Variants in ASTN2 observed in about 807,000 individuals in gnomAD.
The protein encoded by ASTN2 is astrotactin-2.
In ASTN2, 54 loss-of-function variants were observed where a neutral mutation model predicts 139.8. The observed-to-expected ratio is 0.39, with a 90% CI of 0.31 to 0.48. ASTN2 has a LOEUF of 0.48. Among genes scored for constraint, ASTN2 ranks in the 20% least tolerant of loss-of-function variants. The probability of loss-of-function intolerance (pLI) is 0.95; values close to 1 mark genes in which losing one functional copy is unlikely to be tolerated. For missense variants in ASTN2, 1,565 were observed against 1,725.1 expected, an observed-to-expected ratio of 0.91 and a Z score of 1.64; for synonymous variants, 756 against 719.5, an observed-to-expected ratio of 1.05 and a Z score of -0.81.
intron 11 of ASTN2, among the ~76,000 whole-genome samples, chr9:116,845,544 A>C (rs1752251430): frequency 6.6e-6 from 1 of 152,196 alleles, no homozygotes; most frequent in African/African-American, 2.4e-5. Context: ...ACAACAAAAA[A>C]CAACCTGATT....
intron 7 of ASTN2, among the ~76,000 whole-genome samples, chr9:116,996,660 A>G (rs938285939): frequency 6.6e-6 from 1 of 152,128 alleles, no homozygotes; most frequent in Non-Finnish European, 1.5e-5. Flanking sequence ...CACTAACTCT[A>G]TTACATTGGC....
At chr9:117,207,530 A>G (rs1831971149) in intron 3 of ASTN2, among the ~76,000 whole-genome samples, 1 of 151,892 alleles carries the variant, frequency 6.6e-6, no homozygotes, top group African/African-American at 2.4e-5. Flanking sequence ...GCAGATACAC[A>G]CCTAGACCAA....
At chr9:116,634,452 T>C (rs1177920732) in intron 17 of ASTN2, among the ~76,000 whole-genome samples, 26 of 150,970 alleles carry the variant, frequency 1.7e-4, no homozygotes, top group African/African-American at 6.4e-4. Context: ...TAGCCGGGCG[T>C]GGTAGCGGGC....
intron 7 of ASTN2, among the ~76,000 whole-genome samples, chr9:116,998,691 G>A (rs1837094354): frequency 6.6e-6 from 1 of 152,118 alleles, no homozygotes; most frequent in Admixed American, 6.5e-5. Context: ...CTTTTATAAT[G>A]TATATACCCA....
chr9:117,311,197 G>C (rs1460193760), intron 1 of ASTN2, among the ~76,000 whole-genome samples: 1 of 144,988 alleles, frequency 6.9e-6, no homozygotes, highest in African/African-American at 2.6e-5. Context: ...ATCAGGCATA[G>C]AGGCAAGCCC....
chr9:116,478,062 T>A lies in ASTN2; in HGVS notation c.3497+9297A>T, dbSNP rs576161703. 7.3e-5 allele frequency among the ~76,000 whole-genome samples: 10 copies of A among 136,066 alleles called. No homozygotes were observed. The South Asian group carries it at 2.4e-3, about 32-fold the overall frequency. 89.3% of individuals were successfully genotyped at this position (136,066 alleles called of 152,430 possible). On this transcript the variant is annotated intron_variant, in intron 20 of 22. Transcript: ENST00000313400. ...ACAAAAGGAGAAAGCAAAGGAGAGA[T>A]GTTACAAATATGGGAGAGGAAGCAG...
intron 20 of ASTN2, among the ~76,000 whole-genome samples, chr9:116,445,070 C>A (rs1564281638): frequency 6.6e-6 from 1 of 152,162 alleles, no homozygotes; most frequent in African/African-American, 2.4e-5. Context: ...ATGCATGACT[C>A]ATAGTGCATA....
chr9:116,825,048 A>G (rs962626257), intron 11 of ASTN2, among the ~76,000 whole-genome samples: 1 of 152,238 alleles, frequency 6.6e-6, no homozygotes, highest in African/African-American at 2.4e-5. Context: ...TAGAAGAGGA[A>G]GACTAGAATT....
At position 117,089,236 on chromosome 9, in the gene ASTN2, CCAAGGT is replaced by C. The variant is rs1159629724; in HGVS notation, c.1276+6802_1276+6807del. Among the ~76,000 whole-genome samples, 73 of 152,300 alleles carry C rather than the reference CCAAGGT, an allele frequency of 4.8e-4. 1 individual carries two copies. Among genetic ancestry groups the C allele is most frequent in the African/African-American group, 1.7e-3 (70 of 41,562 alleles). On this transcript the variant is annotated intron_variant, in intron 5 of 22. Coordinates refer to ENST00000313400, the MANE Select transcript of ASTN2 (RefSeq NM_001365068.1). ...GAGGTCCCGAGGGAGCACAGGCTTG[CCAAGGT>C]CACTAAGCTAGTTAATGGTGAGGTG...
At chr9:116,495,966 C>G (rs1849656377) in intron 19 of ASTN2, among the ~76,000 whole-genome samples, 1 of 152,128 alleles carries the variant, frequency 6.6e-6, no homozygotes, top group Non-Finnish European at 1.5e-5. Flanking sequence ...CATACTCCCA[C>G]CACAGGGCTT....
chr9:117,297,354 A>G (rs1446957480), intron 1 of ASTN2, among the ~76,000 whole-genome samples: 30 of 152,250 alleles, frequency 2.0e-4, no homozygotes, highest in Non-Finnish European at 1.5e-5. Flanking sequence ...CTATTCCAGC[A>G]TTCATGGGTG....
intron 1 of ASTN2, among the ~76,000 whole-genome samples, chr9:117,327,283 AAC>A (rs1449193200): frequency 6.6e-6 from 1 of 152,102 alleles, no homozygotes; most frequent in Non-Finnish European, 1.5e-5. Flanking sequence ...GGGGACTCCC[AAC>A]ACCGACAATT....
chr9:116,818,725 C>T (rs1398874790), intron 12 of ASTN2, among the ~76,000 whole-genome samples: 1 of 152,138 alleles, frequency 6.6e-6, no homozygotes, highest in South Asian at 2.1e-4. Context: ...GGACATTGTT[C>T]CAAAGCATTT....
chr9:116,708,336 A>G (rs962384623), intron 16 of ASTN2, among the ~76,000 whole-genome samples: 10 of 152,226 alleles, frequency 6.6e-5, no homozygotes, highest in African/African-American at 2.4e-4. Flanking sequence ...ACTAACTTTA[A>G]TCAACAACTG....
intron 5 of ASTN2, among the ~76,000 whole-genome samples, chr9:117,081,780 G>A (rs956450211): frequency 6.6e-6 from 1 of 152,082 alleles, no homozygotes; most frequent in Non-Finnish European, 1.5e-5. Context: ...ATGTGGCAAG[G>A]GCTTCAGAGC....
chr9:116,664,326 C>G (rs905981055), intron 16 of ASTN2, among the ~76,000 whole-genome samples: 6 of 151,216 alleles, frequency 4.0e-5, no homozygotes, highest in African/African-American at 1.5e-4. Context: ...AGGAATCCAC[C>G]CTCCTTGGCC....
chr9:116,670,650 A>G (rs866951560), intron 16 of ASTN2, among the ~76,000 whole-genome samples: 8 of 152,174 alleles, frequency 5.3e-5, no homozygotes, highest in African/African-American at 1.7e-4. Context: ...AGCCACCATA[A>G]AGAGGAAAGC....
intron 1 of ASTN2, among the ~76,000 whole-genome samples, chr9:117,321,991 C>A (rs911953522): frequency 9.2e-5 from 14 of 152,120 alleles, no homozygotes; most frequent in African/African-American, 2.7e-4. Flanking sequence ...TAATACAAAG[C>A]AAATTCTTTA....
At chr9:116,984,530 C>A (rs926010524) in intron 7 of ASTN2, among the ~76,000 whole-genome samples, 2 of 152,180 alleles carry the variant, frequency 1.3e-5, no homozygotes, top group Non-Finnish European at 2.9e-5. Flanking sequence ...AAGCTTCTTT[C>A]AGCAGGTCTG....
Sources: gnomAD v4.1 joint callset for allele counts (sites outside exome capture counted in the v4.1 genomes callset) on GRCh38, gnomAD v4.1.1 for gene constraint, MANE v1.5 for transcripts, NCBI Gene and HGNC (gene_info 2026-07-23, HGNC 2026-07-21) for gene names.